Variants in THTPA observed in about 807,000 individuals in gnomAD.
THTPA encodes the protein thiamine triphosphatase.
A neutral mutation model predicts 16.5 loss-of-function variants in THTPA; 16 were observed. That is an observed-to-expected ratio of 0.97 (90% confidence interval 0.66 to 1.47). THTPA has a LOEUF of 1.47. THTPA is among the 40% of genes most tolerant of loss of function. The pLI is 0.00. For missense variants in THTPA, 281 were observed against 280.9 expected (o/e 1.00, Z 0.00); for synonymous variants, 110 against 115.5 (o/e 0.95, Z 0.30).
In THTPA at chr14:23,556,995, A is replaced by G. The variant is rs867858227; in HGVS notation, c.238A>G (p.Lys80Glu). 2 of 1,614,182 alleles carry G rather than the reference A, an allele frequency of 1.2e-6. No individual in the cohort carries two copies. Among genetic ancestry groups the G allele is most frequent in the African/African-American group, 1.3e-5 (1 of 75,048 alleles). Residue 80 changes from lysine to glutamate, a missense_variant, in exon 1 of 2, where the codon AAG becomes GAG. Physicochemically the swap from Lys to Glu is moderately conservative, Grantham distance 56. Coordinates refer to ENST00000288014, the MANE Select transcript of THTPA (RefSeq NM_024328.6). The part of the protein sequence containing the change: ...AGVLGPHTEY[K>E]ELTAEPTIVA... ...TGTCTTAGGACCCCACACGGAGTAT[A>G]AGGAACTCACAGCGGAACCTACAAT... is the stretch of plus-strand genomic sequence containing the variant.
the THTPA span, chr14:23,526,680 C>T: frequency 6.5e-7 from 1 of 1,535,830 alleles, no homozygotes; most frequent in Non-Finnish European, 8.7e-7. Flanking sequence ...TTAGGGCCTT[C>T]TAGGGGAGAG....
At chr14:23,516,794 C>T in the THTPA span, among the ~76,000 whole-genome samples, 159 of 152,272 alleles carry the variant, frequency 1.0e-3, no homozygotes, top group East Asian at 0.021. Flanking sequence ...TTGGTGGGGA[C>T]ATCTAGAAAT....
chr14:23,543,384 T>A, the THTPA span: 1 of 152,250 alleles, frequency 6.6e-6, no homozygotes, highest in African/African-American at 2.4e-5. Context: ...GTACCTCTGC[T>A]CTTGGGTTAA....
chr14:23,522,321 G>A, the THTPA span: 23 of 1,528,136 alleles, frequency 1.5e-5, no homozygotes, highest in East Asian at 2.2e-4. Flanking sequence ...TTGCACTGGC[G>A]GCACAGGTAG....
chr14:23,541,031 C>T, the THTPA span, among the ~76,000 whole-genome samples: 3 of 152,034 alleles, frequency 2.0e-5, no homozygotes, highest in Non-Finnish European at 2.9e-5. Context: ...CATAGCCTCC[C>T]GAGTAGCTGG....
At chr14:23,540,552 T>C in the THTPA span, among the ~76,000 whole-genome samples, 237 of 152,284 alleles carry the variant, frequency 1.6e-3, 5 homozygotes, top group Admixed American at 0.011. Flanking sequence ...TTGTTTGGTA[T>C]AAACAGCAAA....
the THTPA span, among the ~76,000 whole-genome samples, chr14:23,517,975 C>A: frequency 1.3e-5 from 2 of 152,200 alleles, no homozygotes; most frequent in Admixed American, 6.5e-5. Flanking sequence ...TAAGCTTTTT[C>A]TACCTACTTT....
the THTPA span, chr14:23,521,705 C>CT: frequency 3.7e-6 from 2 of 535,650 alleles, no homozygotes; most frequent in Admixed American, 7.6e-5. Context: ...GTGTATGTGT[C>CT]TGTGAAGATG....
chr14:23,547,389 C>G, the THTPA span, among the ~76,000 whole-genome samples: 2 of 152,232 alleles, frequency 1.3e-5, no homozygotes, highest in African/African-American at 4.8e-5. Context: ...ATTGTAGTTT[C>G]ATGATTGGGA....
At position 23,559,741 on chromosome 14, in the gene THTPA, G is replaced by A. The variant is rs1317468196; in HGVS notation, c.*901G>A. The A allele has an allele frequency of 6.2e-6, 10 of 1,613,620 alleles. No homozygotes were observed. Among genetic ancestry groups the A allele is most frequent in the Non-Finnish European group, 8.5e-6 (10 of 1,179,722 alleles). On this transcript the variant is annotated 3_prime_UTR_variant, in exon 2 of 2. Coordinates refer to ENST00000288014, the MANE Select transcript of THTPA (RefSeq NM_024328.6). ...CACAGGAGAATTTCAGGCTGTGAGT[G>A]GAGACAGTTACTGCCACGATTCCAC...
chr14:23,558,778 G>A lies in THTPA; in HGVS notation c.631G>A (p.Glu211Lys). Residue 211 changes from glutamate to lysine, a missense_variant, in exon 2 of 2, where the codon GAA (glutamate) becomes AAA (lysine). Coordinates refer to ENST00000288014, the MANE Select transcript of THTPA (RefSeq NM_024328.6). ...GCCTCAAGACTATCAGCGCCTGCTA[G>A]AAGTGAACAGCTCCAGAGAGAGGCC... Reference protein sequence around the residue: ...FRPQDYQRLLEVNSSRERPQE... With the variant: ...FRPQDYQRLLKVNSSRERPQE... The A allele has an allele frequency of 6.2e-7, 1 of 1,614,224 alleles. No homozygotes were observed. The highest frequency in any genetic ancestry group is 8.5e-7 in the Non-Finnish European group (1 of 1,180,036).
At chr14:23,520,394 C>CGG in the THTPA span, among the ~76,000 whole-genome samples, 1 of 115,722 alleles carries the variant, frequency 8.6e-6, no homozygotes, top group African/African-American at 2.5e-5. This position sits in a 1 kb window ranked among gnomAD's most constrained non-coding sequence, Gnocchi z 8.7. Context: ...GGTGGGCCTC[C>CGG]AGGGGGGCAG....
At position 23,559,855 on chromosome 14, in the gene THTPA, G is replaced by T; in HGVS notation, c.*1015G>T. 1 of 1,614,044 alleles carries T rather than the reference G, an allele frequency of 6.2e-7. No individual in the cohort carries two copies. Among genetic ancestry groups the T allele is most frequent in the Non-Finnish European group, 8.5e-7 (1 of 1,180,002 alleles). ...CAGCTTTAGCCGCAGGGGGGCCTAG[G>T]AATAGGAGAGCAGGGACCAGGGTTA... On this transcript the variant is annotated 3_prime_UTR_variant, in exon 2 of 2. Transcript: ENST00000288014.
upstream of THTPA, among the ~76,000 whole-genome samples, chr14:23,554,549 AT>A (rs35367737): frequency 0.24 from 32,645 of 135,602 alleles, 5,155 homozygotes; most frequent in African/African-American, 0.51. Context: ...GCTAATTAAA[AT>A]TTTTTTTTTT....
chr14:23,543,418 TG>T, the THTPA span: 1 of 152,254 alleles, frequency 6.6e-6, no homozygotes, highest in African/African-American at 2.4e-5. Flanking sequence ...GAACTCTGGC[TG>T]GTATGCATTT....
chr14:23,531,863 T>A, the THTPA span: 1 of 1,110,536 alleles, frequency 9.0e-7, no homozygotes, highest in Non-Finnish European at 1.1e-6. Context: ...CTGAAGCCTC[T>A]ACCTCCTGGG....
At chr14:23,548,921 C>T in the THTPA span, among the ~76,000 whole-genome samples, 1 of 152,162 alleles carries the variant, frequency 6.6e-6, no homozygotes, top group African/African-American at 2.4e-5. Context: ...CATTTGTTTC[C>T]TTTGATACCT....
the THTPA span, chr14:23,542,811 C>T: frequency 0.026 from 3,967 of 152,032 alleles, 75 homozygotes; most frequent in Non-Finnish European, 0.043. Context: ...TCTCAGCTCA[C>T]GGCAATCTCT....
the THTPA span, chr14:23,529,373 G>A: frequency 1.3e-5 from 4 of 308,426 alleles, no homozygotes; most frequent in Non-Finnish European, 1.8e-5. Context: ...AAAGAGCTGG[G>A]CAGTAGCTGG....
Sources: allele counts gnomAD v4.1 joint callset (sites outside exome capture counted in the v4.1 genomes callset), GRCh38; gene constraint gnomAD v4.1.1; non-coding constraint Gnocchi (gnomAD v3.1); transcripts MANE v1.5; gene names NCBI Gene and HGNC (gene_info 2026-07-23, HGNC 2026-07-21).